Variants in FAM114A2 observed in about 807,000 individuals in gnomAD.
FAM114A2 encodes the protein protein FAM114A2.
In FAM114A2, 53 loss-of-function variants were observed where a neutral mutation model predicts 58.4. The observed-to-expected ratio is 0.91, with a 90% CI of 0.73 to 1.14. The LOEUF is 1.14. Ranked by LOEUF, FAM114A2 falls within the 50% of genes most tolerant of loss-of-function variation. The probability of loss-of-function intolerance (pLI) is 0.00; values close to 1 mark genes in which losing one functional copy is unlikely to be tolerated. For missense variants in FAM114A2, 601 were observed against 581.1 expected (o/e 1.03, Z -0.35); for synonymous variants, 228 against 211.4 (o/e 1.08, Z -0.68).
At chr5:154,007,550 T>C (rs1029756131) in intron 9 of FAM114A2, among the ~76,000 whole-genome samples, 1 of 152,176 alleles carries the variant, frequency 6.6e-6, no homozygotes, top group Admixed American at 6.5e-5. Context: ...GCCTAAAATT[T>C]AAACAATCTG....
intron 4 of FAM114A2, among the ~76,000 whole-genome samples, chr5:154,033,102 G>A (rs1772306068): frequency 6.6e-6 from 1 of 152,168 alleles, no homozygotes; most frequent in Admixed American, 6.5e-5. Context: ...AATAACTGAT[G>A]CCAGGATTCA....
chr5:154,003,244 TC>T (rs1182181013), intron 9 of FAM114A2, among the ~76,000 whole-genome samples: 2 of 149,524 alleles, frequency 1.3e-5, no homozygotes, highest in African/African-American at 4.9e-5. Context: ...AATGGCACAA[TC>T]TTGGCTCACT....
intron 8 of FAM114A2, among the ~76,000 whole-genome samples, chr5:154,016,099 C>T (rs927460182): frequency 6.6e-6 from 1 of 152,192 alleles, no homozygotes; most frequent in Admixed American, 6.5e-5. Context: ...ATGAACAAAG[C>T]ATCCAAGAAG....
chr5:154,017,888 G>A (rs569749558), intron 8 of FAM114A2, among the ~76,000 whole-genome samples: 5 of 152,080 alleles, frequency 3.3e-5, no homozygotes, highest in Non-Finnish European at 7.4e-5. Context: ...TGACAATAGC[G>A]ATACAACCTA....
intron 8 of FAM114A2, 71 bp downstream of exon 8, chr5:154,026,328 A>G: frequency 8.6e-7 from 1 of 1,166,008 alleles, no homozygotes; most frequent in Non-Finnish European, 1.1e-6. Context: ...TAAATAATTT[A>G]TTTCAAGGGC....
At chr5:154,031,588 AT>A (rs1772206661) in intron 4 of FAM114A2, among the ~76,000 whole-genome samples, 1 of 152,162 alleles carries the variant, frequency 6.6e-6, no homozygotes, top group South Asian at 2.1e-4. Flanking sequence ...GTCCATTGTA[AT>A]TTTGGAAAGT....
chr5:154,024,210 C>T (rs1202425224), intron 8 of FAM114A2, among the ~76,000 whole-genome samples: 1 of 152,116 alleles, frequency 6.6e-6, no homozygotes, highest in Non-Finnish European at 1.5e-5. Context: ...AATTCTCAAA[C>T]TTGTTGGTCT....
rs896669899 is a variant in FAM114A2, at chr5:154,003,582, G to A, written c.994-613C>T. Among the ~76,000 whole-genome samples, 24 of 152,148 alleles carry A rather than the reference G, an allele frequency of 1.6e-4. 1 individual carries two copies. The highest frequency in any genetic ancestry group is 4.3e-4 in the African/African-American group (18 of 41,516). ...TTTATGTGTATATGCCTACGAAACC[G>A]TGATCAAGATATAGAATATTTCCTC... On this transcript the variant is annotated intron_variant, in intron 9 of 13. Transcript: ENST00000351797.
At chr5:154,017,051 CA>C (rs1189990888) in intron 8 of FAM114A2, among the ~76,000 whole-genome samples, 1 of 152,194 alleles carries the variant, frequency 6.6e-6, no homozygotes, top group African/African-American at 2.4e-5. Flanking sequence ...CATATAATGG[CA>C]AAAGGCAGTG....
rs969511768 is a variant in FAM114A2, at chr5:154,014,906, C to T, written c.914-3586G>A. Among the ~76,000 whole-genome samples, 20 of 152,228 alleles carry T rather than the reference C, an allele frequency of 1.3e-4. No homozygotes were observed. The East Asian group carries it at 3.9e-3, about 29-fold the overall frequency. On this transcript the variant is annotated intron_variant, in intron 8 of 13. Transcript: ENST00000351797. ...CAGCTGGGAGGTGGGTAGTCTGGGG[C>T]AAGTTCTCAGCCCTGCTTGCCCACT... is the stretch of plus-strand genomic sequence containing the variant.
intron 8 of FAM114A2, among the ~76,000 whole-genome samples, chr5:154,018,699 A>T (rs1335719053): frequency 6.6e-6 from 1 of 152,196 alleles, no homozygotes; most frequent in South Asian, 2.1e-4. Context: ...TATCAAAAAG[A>T]TAATCCACCA....
chr5:154,026,269 G>C, intron 8 of FAM114A2, 130 bp downstream of exon 8: 1 of 617,360 alleles, frequency 1.6e-6, no homozygotes, highest in Non-Finnish European at 2.4e-6. Context: ...CAGAGAATTT[G>C]CATAAAAATT....
Position 154,017,711 on chromosome 5 carries a change from A to G in FAM114A2, c.914-6391T>C, listed in dbSNP as rs190802125. ...ATAGGCCACAAAAGGGGCCTCTATA[A>G]ATTAAAAAAAGTGAAATTATATCAT... On this transcript the variant is annotated intron_variant, in intron 8 of 13. Coordinates refer to ENST00000351797, the MANE Select transcript of FAM114A2 (RefSeq NM_018691.4). Among the ~76,000 whole-genome samples, 7 of 152,310 alleles carry G rather than the reference A, an allele frequency of 4.6e-5. No homozygotes were observed. In the East Asian group the frequency reaches 1.2e-3, roughly 25 times the overall value.
intron 11 of FAM114A2, 95 bp from the exon 12 acceptor site, chr5:153,997,970 T>C (rs182322785): frequency 1.4e-6 from 1 of 728,602 alleles, no homozygotes; most frequent in Non-Finnish European, 2.3e-6. Context: ...TCACTTCTGG[T>C]ACTAAATGTG....
intron 12 of FAM114A2, 169 bp from the exon 13 acceptor site, chr5:153,995,141 T>C: frequency 1.8e-6 from 1 of 567,466 alleles, no homozygotes; most frequent in South Asian, 2.5e-5. Context: ...ATTCTAAGTG[T>C]TTTAAACTTC....
chr5:154,003,247 T>C (rs1770123524), intron 9 of FAM114A2, among the ~76,000 whole-genome samples: 2 of 151,870 alleles, frequency 1.3e-5, no homozygotes, highest in Admixed American at 1.3e-4. Flanking sequence ...GGCACAATCT[T>C]GGCTCACTGC....
At chr5:154,002,709 T>C (rs1216206143) in intron 10 of FAM114A2, 138 bp downstream of exon 10, 12 of 893,210 alleles carry the variant, frequency 1.3e-5, no homozygotes, top group Non-Finnish European at 1.7e-6. Flanking sequence ...TCTTATAGTC[T>C]GGATCTAAGA....
chr5:154,006,353 G>A (rs551348156), intron 9 of FAM114A2, among the ~76,000 whole-genome samples: 78 of 152,270 alleles, frequency 5.1e-4, no homozygotes, highest in African/African-American at 1.8e-3. Context: ...ATGGAGTAAC[G>A]GTGGGTATGG....
At chr5:154,026,886 A>AC (rs1275138486) in intron 7 of FAM114A2, among the ~76,000 whole-genome samples, 1 of 151,708 alleles carries the variant, frequency 6.6e-6, no homozygotes, top group Non-Finnish European at 1.5e-5. Flanking sequence ...GAAACTAAAA[A>AC]AAAAAAAAAA....
Sources: allele counts gnomAD v4.1 joint callset (sites outside exome capture counted in the v4.1 genomes callset), GRCh38; gene constraint gnomAD v4.1.1; transcripts MANE v1.5; gene names NCBI Gene and HGNC (gene_info 2026-07-23, HGNC 2026-07-21).